Variants in RILPL1 observed in about 807,000 individuals in gnomAD.
RILPL1 encodes Rab interacting lysosomal protein like 1.
In RILPL1, 33 loss-of-function variants were observed where a neutral mutation model predicts 50.3. That is an observed-to-expected ratio of 0.66 (90% confidence interval 0.50 to 0.88). RILPL1 has a LOEUF of 0.88. Ranked by LOEUF, RILPL1 falls within the 40% of genes least tolerant of loss-of-function variation. RILPL1 has a pLI of 0.00. For missense variants in RILPL1, 418 were observed against 542.5 expected (o/e 0.77, Z 2.28); for synonymous variants, 205 against 228.6 (o/e 0.90, Z 0.93).
chr12:123,473,581 G>A (rs1881364118), intron 6 of RILPL1: 1 of 151,916 alleles, frequency 6.6e-6, no homozygotes, highest in African/African-American at 2.4e-5. Context: ...TATAAAATTA[G>A]GGAAACATCC....
chr12:123,511,963 T>C (rs1239839169), intron 2 of RILPL1, among the ~76,000 whole-genome samples: 4 of 95,986 alleles, frequency 4.2e-5, no homozygotes, highest in Non-Finnish European at 7.9e-5. Context: ...TGGTGTGAGA[T>C]CTGTGTGTGT....
At chr12:123,483,966 C>T (rs557636692) in intron 6 of RILPL1, among the ~76,000 whole-genome samples, 2 of 152,212 alleles carry the variant, frequency 1.3e-5, no homozygotes, top group Admixed American at 6.5e-5. Context: ...TCTCGCCTCC[C>T]GCACTCCCCA....
chr12:123,477,268 T>C (rs886559021), intron 6 of RILPL1, among the ~76,000 whole-genome samples: 12 of 152,134 alleles, frequency 7.9e-5, no homozygotes, highest in Non-Finnish European at 1.8e-4. Flanking sequence ...TCCAGGTGTT[T>C]GGATTACCTT....
At chr12:123,480,819 A>G (rs1881930140) in intron 6 of RILPL1, among the ~76,000 whole-genome samples, 1 of 152,146 alleles carries the variant, frequency 6.6e-6, no homozygotes. Context: ...ATTTCTGTCT[A>G]TCTAGCACTC....
At chr12:123,525,271 G>A (rs1189358070) in intron 1 of RILPL1, among the ~76,000 whole-genome samples, 1 of 151,950 alleles carries the variant, frequency 6.6e-6, no homozygotes, top group African/African-American at 2.4e-5. Flanking sequence ...AGGCTGGAGT[G>A]CAGTGACACA....
At chr12:123,474,496 T>G (rs1881457037) in intron 6 of RILPL1, 1 of 152,210 alleles carries the variant, frequency 6.6e-6, no homozygotes, top group African/African-American at 2.4e-5. Flanking sequence ...GGATTACAGG[T>G]GCATGCCACT....
intron 6 of RILPL1, among the ~76,000 whole-genome samples, chr12:123,483,119 T>C (rs182231762): frequency 3.7e-4 from 57 of 152,338 alleles, no homozygotes; most frequent in African/African-American, 1.3e-3. Context: ...TCTTGTGGGT[T>C]TTGGAGGAAA....
chr12:123,487,527 G>A (rs572536918), intron 4 of RILPL1, among the ~76,000 whole-genome samples: 6 of 152,114 alleles, frequency 3.9e-5, no homozygotes, highest in Admixed American at 1.3e-4. Context: ...GGCTGGTCTT[G>A]AACTCCCGTC....
At chr12:123,511,815 C>CTG (rs148364915) in intron 2 of RILPL1, among the ~76,000 whole-genome samples, 1 of 75,414 alleles carries the variant, frequency 1.3e-5, no homozygotes, top group African/African-American at 6.6e-5. Flanking sequence ...TGTGTGAGGT[C>CTG]TGTGTGTGTG....
Position 123,485,761 on chromosome 12 carries a change from C to T in RILPL1, c.846G>A (p.Val282=), listed in dbSNP as rs1882288175. ...GEESISDAEK[V]AMDLKDPNRP... Reference sequence around the variant, plus strand: ...GGTTGGGGTCCTTGAGATCCATGGCCACCTTCTCTGCGTCGGAGATGCTCT... The same window carrying T: ...GGTTGGGGTCCTTGAGATCCATGGCTACCTTCTCTGCGTCGGAGATGCTCT... The change falls in exon 5 of 7, where the codon GTG becomes GTA. Residue 282 remains valine, a synonymous_variant. Transcript: ENST00000376874. This position sits in a 1 kb window ranked among gnomAD's most constrained non-coding sequence, Gnocchi z 4.0. 1.2e-6 allele frequency: 2 copies of T among 1,612,116 alleles called. No homozygotes were observed. The highest frequency in any genetic ancestry group is 1.7e-6 in the Non-Finnish European group (2 of 1,179,148).
intron 2 of RILPL1, among the ~76,000 whole-genome samples, chr12:123,521,720 T>C (rs1014723411): frequency 0.015 from 1,791 of 123,232 alleles, 26 homozygotes; most frequent in African/African-American, 0.028. Flanking sequence ...AATATATATA[T>C]ACACACATAT....
At chr12:123,532,947 T>C (rs920703615) in intron 1 of RILPL1, among the ~76,000 whole-genome samples, 5 of 152,092 alleles carry the variant, frequency 3.3e-5, no homozygotes, top group African/African-American at 1.2e-4. Flanking sequence ...ACGGTAAAGG[T>C]GGGATTGGAA....
In RILPL1 at chr12:123,498,029, C is replaced by T. The variant is rs534416786; in HGVS notation, c.801+515G>A. On this transcript the variant is annotated intron_variant, in intron 4 of 6. Transcript: ENST00000376874. This position sits in a 1 kb window ranked among gnomAD's most constrained non-coding sequence, Gnocchi z 4.3. ...ACAGGGATCATGTCTGTATTTTGCT[C>T]GCTATTTTATCCTCTGGGCCGGCTA... 2.6e-5 allele frequency among the ~76,000 whole-genome samples: 4 copies of T among 152,262 alleles called. No homozygotes were observed. Among genetic ancestry groups the T allele is most frequent in the Admixed American group, 1.3e-4 (2 of 15,284 alleles).
At chr12:123,521,597 TAA>T (rs1566144061) in intron 2 of RILPL1, among the ~76,000 whole-genome samples, 268 of 4,686 alleles carry the variant, frequency 0.057, 2 homozygotes, top group African/African-American at 0.1. Flanking sequence ...ATATATATAT[TAA>T]TATATATACA....
At chr12:123,515,402 T>A (rs1884626491) in intron 2 of RILPL1, 1 of 151,878 alleles carries the variant, frequency 6.6e-6, no homozygotes, top group South Asian at 2.1e-4. Flanking sequence ...TGCTTAGTTT[T>A]ATCTGACTCT....
At position 123,491,776 on chromosome 12, in the gene RILPL1, A is replaced by G. The variant is rs917239628; in HGVS notation, c.802-5971T>C. Among the ~76,000 whole-genome samples the G allele has an allele frequency of 1.2e-4, 18 of 152,148 alleles. No homozygotes were observed. Among genetic ancestry groups the G allele is most frequent in the African/African-American group, 4.3e-4 (18 of 41,430 alleles). ...TGTAATCCCAGCAGGAGGCCGAAGC[A>G]GGCGGATCATTTGAGGTCAAGAGTT... is the stretch of plus-strand genomic sequence containing the variant. On this transcript the variant is annotated intron_variant, in intron 4 of 6. Transcript: ENST00000376874. The surrounding 1 kb of genome is among the most constrained non-coding windows in gnomAD (Gnocchi z 4.0).
chr12:123,488,159 C>T lies in RILPL1; in HGVS notation c.802-2354G>A, dbSNP rs1034371935. Among the ~76,000 whole-genome samples, 18 of 152,180 alleles carry T rather than the reference C, an allele frequency of 1.2e-4. No homozygotes were observed. In the East Asian group the frequency reaches 3.5e-3, roughly 29 times the overall value. On this transcript the variant is annotated intron_variant, in intron 4 of 6. Coordinates refer to ENST00000376874, the MANE Select transcript of RILPL1 (RefSeq NM_178314.5). ...CCAACCTCAAGAAAAACTCCATAGG[C>T]CCGGCACCGTGGCTCACACTCCTAA...
intron 4 of RILPL1, among the ~76,000 whole-genome samples, chr12:123,496,151 C>G (rs1779700882): frequency 6.6e-6 from 1 of 151,842 alleles, no homozygotes; most frequent in Admixed American, 6.6e-5. Context: ...GTAATTGGGA[C>G]TACAGGTGTG....
At chr12:123,530,896 TG>T (rs1395245448) in intron 1 of RILPL1, among the ~76,000 whole-genome samples, 1 of 150,972 alleles carries the variant, frequency 6.6e-6, no homozygotes, top group Non-Finnish European at 1.5e-5. Context: ...GAGTGATGAG[TG>T]GAAGTGAGTG....
Sources: gnomAD v4.1 joint callset for allele counts (sites outside exome capture counted in the v4.1 genomes callset) on GRCh38, gnomAD v4.1.1 for gene constraint, Gnocchi (gnomAD v3.1) non-coding constraint, MANE v1.5 for transcripts, NCBI Gene and HGNC (gene_info 2026-07-23, HGNC 2026-07-21) for gene names.